HSPA4L: variants seen among roughly 807,000 people sequenced by gnomAD.
The protein encoded by HSPA4L is heat shock protein family A (Hsp70) member 4 like, also known as heat shock 70 kDa protein 4L.
A neutral mutation model predicts 100.3 loss-of-function variants in HSPA4L; 48 were observed. The ratio of observed to expected loss-of-function variants is 0.48; its 90% CI spans 0.38 to 0.61. The LOEUF is 0.61. HSPA4L is among the 20% of genes least tolerant of loss of function. HSPA4L has a pLI of 0.00. For missense variants in HSPA4L, 886 were observed against 988.6 expected (o/e 0.90, Z 1.39); for synonymous variants, 319 against 328.2 (o/e 0.97, Z 0.30).
At chr4:127,814,602 C>T (rs1302897074) in intron 12 of HSPA4L, among the ~76,000 whole-genome samples, 3 of 151,982 alleles carry the variant, frequency 2.0e-5, no homozygotes, top group African/African-American at 7.2e-5. Flanking sequence ...GAGTCTCGCT[C>T]TGTCGCCCAG....
intron 4 of HSPA4L, among the ~76,000 whole-genome samples, chr4:127,799,760 T>C (rs1733124473): frequency 1.3e-5 from 2 of 152,192 alleles, no homozygotes; most frequent in South Asian, 4.1e-4. Context: ...GTAGACCCAT[T>C]GTAAGCTCTA....
At position 127,834,233 on chromosome 4, in the gene HSPA4L, C is replaced by A. The variant is rs1734155193; in HGVS notation, c.*1359C>A. 1 of 152,084 alleles carries A rather than the reference C, an allele frequency of 6.6e-6. No individual in the cohort carries two copies. Among genetic ancestry groups the A allele is most frequent in the Non-Finnish European group, 1.5e-5 (1 of 67,990 alleles). 9.4% of individuals were successfully genotyped at this position (152,084 alleles called of 1,614,324 possible). ...TAGACAAGTATATGAGCCCTTATGT[C>A]CTTAATGCCAATCAACTAGATTGAC... On this transcript the variant is annotated 3_prime_UTR_variant, in exon 19 of 19. Coordinates refer to ENST00000296464, the MANE Select transcript of HSPA4L (RefSeq NM_014278.4).
chr4:127,804,229 CA>C, intron 8 of HSPA4L, 142 bp downstream of exon 8: 1 of 647,844 alleles, frequency 1.5e-6, no homozygotes, highest in South Asian at 2.1e-5. Context: ...GATTATAACT[CA>C]TTATTCATAA....
intron 12 of HSPA4L, among the ~76,000 whole-genome samples, chr4:127,817,217 CA>C (rs1298029334): frequency 6.6e-6 from 1 of 152,104 alleles, no homozygotes; most frequent in Admixed American, 6.6e-5. Context: ...AGGCGTGCAC[CA>C]CCATGCCTGG....
At chr4:127,819,174 A>T (rs916574230) in intron 13 of HSPA4L, among the ~76,000 whole-genome samples, 1 of 152,192 alleles carries the variant, frequency 6.6e-6, no homozygotes, top group African/African-American at 2.4e-5. Flanking sequence ...ATGTGTAAAA[A>T]TTAATACTTT....
chr4:127,804,030 T>G lies in HSPA4L; in HGVS notation c.928T>G (p.Cys310Gly), dbSNP rs762199020. 6.2e-7 allele frequency: 1 copy of G among 1,614,128 alleles called. No individual in the cohort carries two copies. Among genetic ancestry groups the G allele is most frequent in the Non-Finnish European group, 8.5e-7 (1 of 1,179,994 alleles). The change falls in exon 8 of 19, where the codon TGT becomes GGT. Residue 310 changes from cysteine to glycine, a missense_variant. Coordinates refer to ENST00000296464, the MANE Select transcript of HSPA4L (RefSeq NM_014278.4). ...KMNRAQFEQL[C>G]ASLLARVEPP... ...TCACAGGGCTCAATTTGAACAACTG[T>G]GTGCTTCCCTTTTGGCCAGGGTTGA...
intron 11 of HSPA4L, among the ~76,000 whole-genome samples, chr4:127,811,107 G>A (rs1033793045): frequency 6.6e-6 from 1 of 150,602 alleles, no homozygotes; most frequent in African/African-American, 2.4e-5. Flanking sequence ...TGTTATTTTG[G>A]TTTTAGAATA....
At chr4:127,807,925 A>G (rs1279575934) in intron 10 of HSPA4L, 71 bp from the exon 11 acceptor site, 9 of 1,416,828 alleles carry the variant, frequency 6.4e-6, no homozygotes, top group Non-Finnish European at 7.7e-6. Context: ...TAAGAATGAA[A>G]TGGATTCAGT....
chr4:127,820,606 ATTCTGAAATT>A (rs1179366631), intron 14 of HSPA4L, 41 bp downstream of exon 14: 1 of 1,572,766 alleles, frequency 6.4e-7, no homozygotes, highest in African/African-American at 1.4e-5. Context: ...GTGGTAGTTT[ATTCTGAAATT>A]TTGTAGAAGT....
In HSPA4L at chr4:127,830,729, A is replaced by G; in HGVS notation, c.2258A>G (p.Asn753Ser). Residue 753 changes from asparagine to serine, a missense_variant, in exon 18 of 19, where the codon AAT becomes AGT. Coordinates refer to ENST00000296464, the MANE Select transcript of HSPA4L (RefSeq NM_014278.4). ...ATGAGTTGGCTGAATAGTAAGATGA[A>G]TGCACAGAACAAACTAAGTCTCACT... ...DAMSWLNSKMNAQNKLSLTQD... is the reference protein window; with the variant it reads ...DAMSWLNSKMSAQNKLSLTQD... The G allele has an allele frequency of 6.2e-7, 1 of 1,611,018 alleles. No individual in the cohort carries two copies.
chr4:127,821,742 T>C (rs1733818728), intron 14 of HSPA4L, among the ~76,000 whole-genome samples: 1 of 152,150 alleles, frequency 6.6e-6, no homozygotes, highest in Non-Finnish European at 1.5e-5. Context: ...TTACCAGTTA[T>C]GTGTCAAACA....
intron 1 of HSPA4L, among the ~76,000 whole-genome samples, chr4:127,784,042 T>G (rs533697252): frequency 6.6e-6 from 1 of 152,366 alleles, no homozygotes; most frequent in Admixed American, 6.5e-5. Flanking sequence ...TTATGCACAG[T>G]GAGAGGCCGA....
At chr4:127,803,559 G>T in intron 6 of HSPA4L, 70 bp from the exon 7 acceptor site, 1 of 1,373,172 alleles carries the variant, frequency 7.3e-7, no homozygotes, top group Non-Finnish European at 9.7e-7. Flanking sequence ...TTTTATTTTA[G>T]AGGTTTTTCT....
chr4:127,790,645 C>G (rs778423258), intron 1 of HSPA4L, among the ~76,000 whole-genome samples: 8 of 152,106 alleles, frequency 5.3e-5, no homozygotes, highest in Non-Finnish European at 1.2e-4. Context: ...TCAAACTTAC[C>G]TCAAGCCTAA....
intron 10 of HSPA4L, among the ~76,000 whole-genome samples, chr4:127,807,079 A>C (rs1270525090): frequency 6.6e-6 from 1 of 152,014 alleles, no homozygotes; most frequent in African/African-American, 2.4e-5. Flanking sequence ...TGAAAAGTAA[A>C]TATAGCCTAA....
upstream of HSPA4L, chr4:127,782,302 G>A (rs1013006724): frequency 4.1e-6 from 2 of 492,058 alleles, no homozygotes; most frequent in South Asian, 2.2e-5. Flanking sequence ...GTAACCGCCG[G>A]TTGGAGGCGG....
chr4:127,811,101 A>G (rs1253265240), intron 11 of HSPA4L, among the ~76,000 whole-genome samples: 6 of 151,668 alleles, frequency 4.0e-5, no homozygotes, highest in Admixed American at 6.6e-5. Flanking sequence ...GAATCTTGTT[A>G]TTTTGGTTTT....
chr4:127,795,669 G>A, intron 2 of HSPA4L, 99 bp from the exon 3 acceptor site: 1 of 1,110,924 alleles, frequency 9.0e-7, no homozygotes, highest in South Asian at 1.5e-5. Flanking sequence ...AAACTTGGAT[G>A]TGTAGGATAA....
intron 11 of HSPA4L, chr4:127,809,380 A>G: frequency 8.3e-7 from 1 of 1,208,232 alleles, no homozygotes; most frequent in Non-Finnish European, 1.2e-6. Flanking sequence ...GCAGCTTTGC[A>G]GCATGCTCAT....
Sources: allele counts gnomAD v4.1 joint callset (sites outside exome capture counted in the v4.1 genomes callset), GRCh38; gene constraint gnomAD v4.1.1; transcripts MANE v1.5; gene names NCBI Gene and HGNC (gene_info 2026-07-23, HGNC 2026-07-21).